NMNAT2: variants seen among roughly 807,000 people sequenced by gnomAD.
NMNAT2 encodes nicotinamide nucleotide adenylyltransferase 2, also known as nicotinamide/nicotinic acid mononucleotide adenylyltransferase 2.
In NMNAT2, 11 loss-of-function variants were observed where a neutral mutation model predicts 41.6. The observed-to-expected ratio is 0.26, with a 90% confidence interval of 0.17 to 0.44. The LOEUF is 0.44. NMNAT2 is among the 20% of genes least tolerant of loss of function. The probability of loss-of-function intolerance (pLI) is 1.00; values close to 1 mark genes in which losing one functional copy is unlikely to be tolerated. For synonymous variants in NMNAT2, 148 were observed against 151.2 expected (o/e 0.98, Z 0.16); for missense variants, 288 against 407.7 (o/e 0.71, Z 2.53).
intron 1 of NMNAT2, among the ~76,000 whole-genome samples, chr1:183,348,996 C>T (rs890479826): frequency 6.6e-6 from 1 of 152,166 alleles, no homozygotes; most frequent in Admixed American, 6.5e-5. Flanking sequence ...GGACTCGGTG[C>T]ACCAGGTTGA....
chr1:183,261,289 A>G lies in NMNAT2; in HGVS notation c.666T>C (p.Val222=). ...LWNEADMEVI[V]GDFGIVVVPR... is the part of the protein sequence containing the mutation. ...GCACCACCACAATCCCAAAGTCACC[A>G]ACAATCACCTCCATCTAAAGAAACA... is the stretch of plus-strand genomic sequence containing the variant. Residue 222 remains valine, a synonymous_variant, in exon 9 of 11, where the codon GTT becomes GTC. Transcript: ENST00000287713. The G allele has an allele frequency of 1.2e-6, 2 of 1,613,638 alleles. No individual in the cohort carries two copies. The highest frequency in any genetic ancestry group is 1.7e-6 in the Non-Finnish European group (2 of 1,180,012).
Position 183,286,719 on chromosome 1 carries a change from T to C in NMNAT2, c.391A>G (p.Asn131Asp), listed in dbSNP as rs1272127818. The change falls in exon 5 of 11, where the codon AAC (asparagine) becomes GAC (aspartate). Residue 131 changes from asparagine to aspartate, a missense_variant. Transcript: ENST00000287713. ...TGGTAAATGGGCTGGGGGGTCTCGTTTTGTGGCTGTCCGATCACAGGTGTC... is the reference window on the plus strand; with the variant it reads ...TGGTAAATGGGCTGGGGGGTCTCGTCTTGTGGCTGTCCGATCACAGGTGTC... ...SMTPVIGQPQ[N>D]ETPQPIYQNS... 6 of 1,612,390 alleles carry C rather than the reference T, an allele frequency of 3.7e-6. No homozygotes were observed. Among genetic ancestry groups the C allele is most frequent in the Non-Finnish European group, 5.1e-6 (6 of 1,179,396 alleles).
chr1:183,307,596 C>T (rs1222447970), intron 1 of NMNAT2, among the ~76,000 whole-genome samples: 3 of 152,282 alleles, frequency 2.0e-5, no homozygotes, highest in Non-Finnish European at 1.5e-5. Flanking sequence ...GCTCCCACCA[C>T]CACACCTGGC....
intron 1 of NMNAT2, among the ~76,000 whole-genome samples, chr1:183,308,005 G>A (rs1344114945): frequency 2.6e-5 from 4 of 152,206 alleles, no homozygotes; most frequent in Non-Finnish European, 5.9e-5. Flanking sequence ...GGATGGGGGA[G>A]AGCTGCATGC....
At chr1:183,279,298 A>G (rs1661201976) in intron 7 of NMNAT2, among the ~76,000 whole-genome samples, 1 of 152,176 alleles carries the variant, frequency 6.6e-6, no homozygotes, top group Non-Finnish European at 1.5e-5. Context: ...AGTGAGGCCC[A>G]TTGTTGTTTA....
intron 5 of NMNAT2, among the ~76,000 whole-genome samples, chr1:183,285,394 G>A (rs1158477774): frequency 6.6e-6 from 1 of 152,180 alleles, no homozygotes; most frequent in Non-Finnish European, 1.5e-5. Context: ...GCTGGGCTAA[G>A]GCGCTCCTTC....
At chr1:183,369,828 C>T (rs189601191) in intron 1 of NMNAT2, among the ~76,000 whole-genome samples, 2 of 151,990 alleles carry the variant, frequency 1.3e-5, no homozygotes, top group South Asian at 2.1e-4. Flanking sequence ...TGCTACTTTC[C>T]GTCTTAATAA....
rs58394186 is a variant in NMNAT2 at position 183,406,812 on chromosome 1, CTTTTT to C, written c.85+11366_85+11370del. The stretch of plus-strand genomic sequence containing the variant: ...AAGAAACTCAACTGCTCTGCCATTC[CTTTTT>C]TTTTTTTTTTTTTTTTTTTGAGACA... On this transcript the variant is annotated intron_variant, in intron 1 of 10. Transcript: ENST00000287713. Among the ~76,000 whole-genome samples the C allele has an allele frequency of 1.0e-4, 9 of 88,652 alleles. No individual in the cohort carries two copies. In the East Asian group the frequency reaches 1.2e-3, roughly 12 times the overall value. 58.2% of individuals were successfully genotyped at this position (88,652 alleles called of 152,430 possible).
chr1:183,329,549 A>T (rs916636293), intron 1 of NMNAT2, among the ~76,000 whole-genome samples: 1 of 152,180 alleles, frequency 6.6e-6, no homozygotes, highest in South Asian at 2.1e-4. Flanking sequence ...TGAGCCTGCC[A>T]TGGGGATGAC....
chr1:183,292,765 T>C, intron 3 of NMNAT2, 25 bp downstream of exon 3: 1 of 1,609,394 alleles, frequency 6.2e-7, no homozygotes, highest in South Asian at 1.1e-5. Context: ...GGCCACTGCC[T>C]CTGGCATCTT....
intron 1 of NMNAT2, among the ~76,000 whole-genome samples, chr1:183,364,369 C>T (rs12757973): frequency 0.046 from 6,982 of 152,250 alleles, 242 homozygotes; most frequent in Non-Finnish European, 0.066. Flanking sequence ...ACTGAAGTTT[C>T]GTCTTTCTTC....
chr1:183,299,038 TG>T (rs1661778050), intron 1 of NMNAT2, among the ~76,000 whole-genome samples: 1 of 152,186 alleles, frequency 6.6e-6, no homozygotes, highest in Admixed American at 6.5e-5. Flanking sequence ...TTAACTAAAC[TG>T]TGGTACACCC....
chr1:183,272,018 G>T (rs535307310), intron 8 of NMNAT2, among the ~76,000 whole-genome samples: 94 of 152,328 alleles, frequency 6.2e-4, no homozygotes, highest in South Asian at 2.7e-3. Flanking sequence ...TTCCCAAAAT[G>T]CTGGGATTGC....
At chr1:183,357,902 TATTCCCAAAGGAATATATAA>T (rs890936979) in intron 1 of NMNAT2, among the ~76,000 whole-genome samples, 6 of 152,360 alleles carry the variant, frequency 3.9e-5, no homozygotes, top group South Asian at 4.1e-4. Context: ...TATATTTATA[TATTCCCAAAGGAATATATAA>T]ATTCCCAAAG....
chr1:183,305,323 T>G (rs1661969549), intron 1 of NMNAT2, among the ~76,000 whole-genome samples: 1 of 149,188 alleles, frequency 6.7e-6, no homozygotes. Flanking sequence ...GGGGATAGAG[T>G]GGAAGGTGGG....
At chr1:183,407,949 G>C (rs1035382156) in intron 1 of NMNAT2, among the ~76,000 whole-genome samples, 1 of 152,202 alleles carries the variant, frequency 6.6e-6, no homozygotes, top group African/African-American at 2.4e-5. Flanking sequence ...AATGTCCACT[G>C]TAAACCAAAC....
chr1:183,375,088 A>G (rs1663643287), intron 1 of NMNAT2, among the ~76,000 whole-genome samples: 1 of 152,106 alleles, frequency 6.6e-6, no homozygotes, highest in African/African-American at 2.4e-5. Context: ...GCCTCTTAGG[A>G]CAATCACCAC....
At position 183,284,776 on chromosome 1, in the gene NMNAT2, T is replaced by C. The variant is rs1480487418; in HGVS notation, c.463A>G (p.Lys155Glu). The change falls in exon 6 of 11, where the codon AAG becomes GAG. Residue 155 changes from lysine to glutamate, a missense_variant. This residue lies in a region of NMNAT2 where 181 missense variants were observed against 213.7 expected (regional missense o/e 0.85). Coordinates refer to ENST00000287713, the MANE Select transcript of NMNAT2 (RefSeq NM_015039.4). ...TKPTAAKILG[K>E]VGESLSRICC... ...ATCCGGCTGAGGCTTTCTCCCACCT[T>C]CCCCAAGATCTTGGCTATGGGAGAG... 6.2e-7 allele frequency: 1 copy of C among 1,613,864 alleles called. No individual in the cohort carries two copies. The highest frequency in any genetic ancestry group is 1.3e-5 in the African/African-American group (1 of 74,874).
intron 3 of NMNAT2, among the ~76,000 whole-genome samples, chr1:183,291,657 C>T (rs1431510283): frequency 2.6e-5 from 4 of 152,162 alleles, no homozygotes; most frequent in African/African-American, 7.2e-5. Context: ...AGTCTCCTGC[C>T]CAGTGATTTC....
Sources: gnomAD v4.1 joint callset for allele counts (sites outside exome capture counted in the v4.1 genomes callset) on GRCh38, gnomAD v4.1.1 for gene constraint, gnomAD v4.1.1 regional missense constraint, MANE v1.5 for transcripts, NCBI Gene and HGNC (gene_info 2026-07-23, HGNC 2026-07-21) for gene names.